The following RASA3 variants were observed in gnomAD, a reference collection of about 807,000 sequenced individuals.
The protein encoded by RASA3 is ras GTPase-activating protein 3.
In RASA3, 73 loss-of-function variants were observed where a neutral mutation model predicts 110.0. The observed-to-expected ratio is 0.66, with a 90% CI of 0.55 to 0.81. RASA3 has a LOEUF of 0.81. RASA3 is among the 30% of genes least tolerant of loss of function. RASA3 has a pLI of 0.00. For missense variants in RASA3, 976 were observed against 1,113.2 expected (o/e 0.88, Z 1.75); for synonymous variants, 500 against 451.4 (o/e 1.11, Z -1.37).
chr13:114,029,695 G>T, intron 5 of RASA3, 116 bp downstream of exon 5: 1 of 1,029,862 alleles, frequency 9.7e-7, no homozygotes, highest in Non-Finnish European at 1.5e-6. Context: ...GTGTCATCCT[G>T]GGCAGCCACC....
intron 1 of RASA3, among the ~76,000 whole-genome samples, chr13:114,118,786 G>A (rs2080328531): frequency 6.6e-6 from 1 of 152,196 alleles, no homozygotes; most frequent in Non-Finnish European, 1.5e-5. Context: ...GGCCTTCTCT[G>A]CTGAAAGTCA....
intron 21 of RASA3, among the ~76,000 whole-genome samples, chr13:113,995,735 GGCTGAC>G (rs1175269622): frequency 4.5e-5 from 2 of 44,454 alleles, no homozygotes; most frequent in South Asian, 8.2e-4. Context: ...TGGGGGGCCC[GGCTGAC>G]GGGGGCCCGG....
At chr13:113,996,819 C>T in intron 20 of RASA3, 80 bp from the exon 21 acceptor site, 1 of 1,273,710 alleles carries the variant, frequency 7.9e-7, no homozygotes, top group Non-Finnish European at 1.1e-6. Context: ...AGGCACCTGG[C>T]CGTCCTCGCC....
chr13:114,014,768 A>C lies in RASA3; in HGVS notation c.1405+441T>G, dbSNP rs780665473. Among the ~76,000 whole-genome samples the C allele has an allele frequency of 6.6e-6, 1 of 152,058 alleles. No homozygotes were observed. The highest frequency in any genetic ancestry group is 6.5e-5 in the Admixed American group (1 of 15,274). On this transcript the variant is annotated intron_variant, in intron 14 of 23. Coordinates refer to ENST00000334062, the MANE Select transcript of RASA3 (RefSeq NM_007368.4). The surrounding 1 kb of genome is among the most constrained non-coding windows in gnomAD (Gnocchi z 4.5). ...AAGACACGGGCAGGCAGAGCCCCCAACACCACTCTGGGCCCTGCCAGGGTC... is the reference window on the plus strand; with the variant it reads ...AAGACACGGGCAGGCAGAGCCCCCACCACCACTCTGGGCCCTGCCAGGGTC...
intron 1 of RASA3, among the ~76,000 whole-genome samples, chr13:114,117,129 ATGTG>A (rs1401098605): frequency 7.9e-6 from 1 of 126,792 alleles, no homozygotes; most frequent in Admixed American, 8.1e-5. Context: ...TGAGGGATGC[ATGTG>A]TGTGAGGAGA....
In RASA3 at chr13:113,992,063, C is replaced by T. The variant is rs73584264; in HGVS notation, c.2245+422G>A. Among the ~76,000 whole-genome samples the T allele has an allele frequency of 6.1e-3, 929 of 152,062 alleles. 10 individuals carry two copies. The highest frequency in any genetic ancestry group is 0.021 in the African/African-American group (856 of 41,448). ...CATGTCATGTCCACACATTCACACA[C>T]GCTCACACATGTCCACATTCACACG... On this transcript the variant is annotated intron_variant, in intron 22 of 23. Coordinates refer to ENST00000334062, the MANE Select transcript of RASA3 (RefSeq NM_007368.4).
rs549961620 is a variant in RASA3, at chr13:114,096,965, T to A, written c.56-23128A>T. ...CTCCTCTGTGTCTCAATCCTTCCCG[T>A]GCACCAGGCCACTCTGAGTCTGCTC... is the stretch of plus-strand genomic sequence containing the variant. On this transcript the variant is annotated intron_variant, in intron 1 of 23. Transcript: ENST00000334062. This position sits in a 1 kb window ranked among gnomAD's most constrained non-coding sequence, Gnocchi z 5.1. Among the ~76,000 whole-genome samples, 62 of 152,298 alleles carry A rather than the reference T, an allele frequency of 4.1e-4. No homozygotes were observed. Among genetic ancestry groups the A allele is most frequent in the African/African-American group, 1.4e-3 (58 of 41,560 alleles).
chr13:114,040,672 C>G (rs1170889850), intron 4 of RASA3, among the ~76,000 whole-genome samples: 1 of 147,564 alleles, frequency 6.8e-6, no homozygotes, highest in Non-Finnish European at 1.5e-5. Flanking sequence ...ACTCCGAGCA[C>G]AAGCAGGCAA....
At chr13:113,994,621 G>A (rs1001153763) in intron 21 of RASA3, among the ~76,000 whole-genome samples, 1 of 152,066 alleles carries the variant, frequency 6.6e-6, no homozygotes, top group African/African-American at 2.4e-5. Context: ...GGGCAACATG[G>A]AGAGACCCTC....
intron 12 of RASA3, among the ~76,000 whole-genome samples, 190 bp from the exon 13 acceptor site, chr13:114,016,461 G>A (rs2053794530): frequency 6.6e-6 from 1 of 152,170 alleles, no homozygotes; most frequent in East Asian, 1.9e-4. Context: ...CCACCGTGGG[G>A]TGGTGTCGTC....
intron 1 of RASA3, among the ~76,000 whole-genome samples, chr13:114,089,628 C>G (rs1005735886): frequency 6.6e-6 from 1 of 152,200 alleles, no homozygotes; most frequent in Non-Finnish European, 1.5e-5. Context: ...AGACATCAGC[C>G]GCGCACGGCC....
chr13:114,113,002 C>T (rs937519189), intron 1 of RASA3, among the ~76,000 whole-genome samples: 49 of 152,260 alleles, frequency 3.2e-4, no homozygotes, highest in African/African-American at 1.1e-3. Flanking sequence ...CAGCAGAGGC[C>T]GACCAGGACT....
chr13:114,078,522 G>A (rs1013886267), intron 1 of RASA3, among the ~76,000 whole-genome samples: 1 of 152,162 alleles, frequency 6.6e-6, no homozygotes, highest in African/African-American at 2.4e-5. Flanking sequence ...TAAAACATAT[G>A]CGGTGTGTTC....
intron 2 of RASA3, among the ~76,000 whole-genome samples, chr13:114,059,673 G>A (rs1046829075): frequency 5.9e-5 from 9 of 152,234 alleles, no homozygotes; most frequent in African/African-American, 9.6e-5. Context: ...TGCCTGGCTT[G>A]GAGGTTTCTT....
At chr13:114,123,609 T>C (rs12429871) in intron 1 of RASA3, among the ~76,000 whole-genome samples, 66,960 of 151,762 alleles carry the variant, frequency 0.44, 14,880 homozygotes, top group Non-Finnish European at 0.47. Flanking sequence ...CAATCACCCT[T>C]AGGCTTTGTC....
chr13:114,064,781 G>A (rs1331800901), intron 2 of RASA3, among the ~76,000 whole-genome samples: 1 of 152,200 alleles, frequency 6.6e-6, no homozygotes, highest in Non-Finnish European at 1.5e-5. Flanking sequence ...GTCTCCAGCC[G>A]AGGTCAGCAG....
chr13:114,015,738 A>G (rs1272173166), intron 13 of RASA3, among the ~76,000 whole-genome samples: 1 of 152,208 alleles, frequency 6.6e-6, no homozygotes, highest in Non-Finnish European at 1.5e-5. Context: ...GCTGTTTTAA[A>G]ACGCAGTACA....
At chr13:114,064,207 G>A (rs2079407714) in intron 2 of RASA3, among the ~76,000 whole-genome samples, 1 of 152,224 alleles carries the variant, frequency 6.6e-6, no homozygotes, top group Non-Finnish European at 1.5e-5. Flanking sequence ...CCCAGGACCT[G>A]CAGGAGCAGA....
chr13:114,131,347 C>T (rs2080515955), intron 1 of RASA3, among the ~76,000 whole-genome samples: 1 of 152,148 alleles, frequency 6.6e-6, no homozygotes, highest in Non-Finnish European at 1.5e-5. Flanking sequence ...CCCTGGAAGC[C>T]TCTCCAGCCT....
Sources: allele counts gnomAD v4.1 joint callset (sites outside exome capture counted in the v4.1 genomes callset), GRCh38; gene constraint gnomAD v4.1.1; non-coding constraint Gnocchi (gnomAD v3.1); transcripts MANE v1.5; gene names NCBI Gene and HGNC (gene_info 2026-07-23, HGNC 2026-07-21).